OTULIN: variants seen among roughly 807,000 people sequenced by gnomAD.
OTULIN encodes the protein ubiquitin thioesterase otulin.
Under a neutral mutation model 39.6 loss-of-function variants are expected in OTULIN, and 15 were observed. The observed-to-expected ratio is 0.38, with a 90% CI of 0.25 to 0.58. The LOEUF (loss-of-function observed/expected upper bound fraction) is 0.58. Among genes scored for constraint, OTULIN ranks in the 20% least tolerant of loss-of-function variants. The pLI, the probability that OTULIN is intolerant of heterozygous loss-of-function variation, is 0.66. For missense variants in OTULIN, 319 were observed against 445.9 expected (o/e 0.72, Z 2.56); for synonymous variants, 156 against 170.3 (o/e 0.92, Z 0.65).
chr5:14,692,225 C>T (rs1204733197), intron 6 of OTULIN, among the ~76,000 whole-genome samples: 1 of 152,220 alleles, frequency 6.6e-6, no homozygotes, highest in Non-Finnish European at 1.5e-5. Context: ...CATATCTTCA[C>T]CAACACTTCT....
chr5:14,673,933 TC>T lies in OTULIN; in HGVS notation c.229+216del, dbSNP rs1349425788. ...TCTCTCTGCATTCTTTACATTCATA[TC>T]GTTTTTCACACCTATGAGGATTGTT... On this transcript the variant is annotated intron_variant, in intron 2 of 6. Transcript: ENST00000284274. The T allele has an allele frequency of 5.3e-5, 19 of 357,660 alleles. No individual in the cohort carries two copies. In the East Asian group the frequency reaches 9.5e-4, roughly 18 times the overall value. The allele number at this position is 357,660 out of a possible 1,614,324, so 22.2% of individuals were successfully genotyped here.
chr5:14,665,581 G>A (rs1242063165), intron 1 of OTULIN, among the ~76,000 whole-genome samples: 1 of 152,138 alleles, frequency 6.6e-6, no homozygotes, highest in African/African-American at 2.4e-5. Flanking sequence ...TTTCTGCAAG[G>A]GTCTGGGGGT....
chr5:14,705,961 G>C, the OTULIN span: 2 of 152,214 alleles, frequency 1.3e-5, no homozygotes, highest in South Asian at 4.2e-4. Context: ...TCTTGCCCTG[G>C]CTTATAGCTA....
rs1736506754 is a variant in OTULIN at position 14,690,811 on chromosome 5, C to T, written c.864+503C>T. ...CTCCACCTTTTTGAATGAGGGGTAC[C>T]AAAGAATTGTGGACATACTTTACAG... On this transcript the variant is annotated intron_variant, in intron 6 of 6. Coordinates refer to ENST00000284274, the MANE Select transcript of OTULIN (RefSeq NM_138348.6). This position sits in a 1 kb window ranked among gnomAD's most constrained non-coding sequence, Gnocchi z 4.5. Among the ~76,000 whole-genome samples, 1 of 152,110 alleles carries T rather than the reference C, an allele frequency of 6.6e-6. No homozygotes were observed. The highest frequency in any genetic ancestry group is 6.5e-5 in the Admixed American group (1 of 15,284).
At chr5:14,710,636 G>A in the OTULIN span, 3,914 of 162,804 alleles carry the variant, frequency 0.024, 81 homozygotes, top group Admixed American at 0.041. Flanking sequence ...GGGCTGCAGC[G>A]TGCCACCCGC....
intron 2 of OTULIN, among the ~76,000 whole-genome samples, chr5:14,676,382 C>T (rs1736104784): frequency 6.6e-6 from 1 of 152,252 alleles, no homozygotes. Context: ...CCTGCATCTC[C>T]AGCTCCTAGC....
intron 4 of OTULIN, among the ~76,000 whole-genome samples, chr5:14,682,583 C>A (rs1031287564): frequency 6.6e-6 from 1 of 151,796 alleles, no homozygotes; most frequent in African/African-American, 2.4e-5. Context: ...AAATGCTAGC[C>A]GTGGGAGATT....
At chr5:14,705,323 C>G in the OTULIN span, 15 of 152,032 alleles carry the variant, frequency 9.9e-5, no homozygotes, top group Non-Finnish European at 2.2e-4. Context: ...ATGTTCAGAT[C>G]TGAAATGAAG....
At chr5:14,679,776 G>C (rs1736199152) in intron 3 of OTULIN, among the ~76,000 whole-genome samples, 1 of 152,228 alleles carries the variant, frequency 6.6e-6, no homozygotes, top group Non-Finnish European at 1.5e-5. Context: ...TCTGAGAGCA[G>C]ATGATAGTTC....
chr5:14,688,986 T>G (rs1655428505), intron 5 of OTULIN, among the ~76,000 whole-genome samples: 1 of 152,230 alleles, frequency 6.6e-6, no homozygotes, highest in South Asian at 2.1e-4. Flanking sequence ...GAGCCAGCAT[T>G]ACTAACACTT....
At chr5:14,673,148 G>A (rs1316145781) in intron 1 of OTULIN, among the ~76,000 whole-genome samples, 4 of 152,136 alleles carry the variant, frequency 2.6e-5, no homozygotes, top group East Asian at 1.9e-4. Context: ...TAGCTTTGGC[G>A]ATTTGTAATA....
intron 5 of OTULIN, among the ~76,000 whole-genome samples, chr5:14,688,365 A>G (rs1444773450): frequency 6.6e-6 from 1 of 152,110 alleles, no homozygotes; most frequent in African/African-American, 2.4e-5. Context: ...GAGAGGGGTC[A>G]AACATGGACT....
chr5:14,689,813 T>G (rs910359997), intron 5 of OTULIN, among the ~76,000 whole-genome samples: 5 of 152,224 alleles, frequency 3.3e-5, no homozygotes, highest in Admixed American at 6.5e-5. Flanking sequence ...CCTCGGTGCT[T>G]CTTATTGCAT....
the OTULIN span, chr5:14,709,847 A>AAAAT: frequency 6.6e-6 from 1 of 152,658 alleles, no homozygotes; most frequent in African/African-American, 2.4e-5. Flanking sequence ...TGAAAATGCG[A>AAAAT]AAATAGGAAA....
rs1736417529 is a variant in OTULIN at position 14,687,571 on chromosome 5, T to C, written c.519T>C (p.Leu173=). 6.2e-7 allele frequency: 1 copy of C among 1,614,042 alleles called. No homozygotes were observed. The highest frequency in any genetic ancestry group is 1.3e-5 in the African/African-American group (1 of 74,926). Residue 173 remains leucine, a synonymous_variant, in exon 5 of 7, where the codon CTT becomes CTC. Transcript: ENST00000284274. ...ACAACTGGATCAAGCAATGGAAACT[T>C]GGACTGAAATTTGATGGGAAGAATG... ...SKYNWIKQWK[L]GLKFDGKNED...
chr5:14,710,819 G>A, the OTULIN span: 9 of 306,480 alleles, frequency 2.9e-5, no homozygotes, highest in Admixed American at 8.8e-5. Context: ...AGAGTCTGTG[G>A]CCTGCTGTGC....
In OTULIN at chr5:14,673,824, G is replaced by A. The variant is rs1159421636; in HGVS notation, c.229+106G>A. ...TAAAATATCAATAAAATATTCTTAT[G>A]TATATGGTCTTATCTACATTGATTG... On this transcript the variant is annotated intron_variant, in intron 2 of 6. Coordinates refer to ENST00000284274, the MANE Select transcript of OTULIN (RefSeq NM_138348.6). The A allele has an allele frequency of 4.4e-6, 4 of 915,956 alleles. No individual in the cohort carries two copies. In the African/African-American group the frequency reaches 6.7e-5, roughly 15 times the overall value. The allele number at this position is 915,956 out of a possible 1,614,324, so 56.7% of individuals were successfully genotyped here.
intron 1 of OTULIN, among the ~76,000 whole-genome samples, chr5:14,665,235 TAAAG>T (rs1223638901): frequency 1.3e-5 from 2 of 152,330 alleles, no homozygotes; most frequent in South Asian, 2.1e-4. Flanking sequence ...TGTCTGAAGT[TAAAG>T]AAAGTTCCAG....
chr5:14,682,024 G>A (rs192224070), intron 4 of OTULIN, among the ~76,000 whole-genome samples: 71 of 152,298 alleles, frequency 4.7e-4, no homozygotes, highest in African/African-American at 1.6e-3. Flanking sequence ...TGGCTTAGTA[G>A]GTGGCAGAAC....
Sources: allele counts gnomAD v4.1 joint callset (sites outside exome capture counted in the v4.1 genomes callset), GRCh38; gene constraint gnomAD v4.1.1; non-coding constraint Gnocchi (gnomAD v3.1); transcripts MANE v1.5; gene names NCBI Gene and HGNC (gene_info 2026-07-23, HGNC 2026-07-21).